AARS1: variants seen among roughly 807,000 people sequenced by gnomAD.
AARS1 encodes alanine--tRNA ligase, cytoplasmic.
A neutral mutation model predicts 108.9 loss-of-function variants in AARS1; 72 were observed. The observed-to-expected ratio is 0.66, with a 90% CI of 0.55 to 0.80. The LOEUF (loss-of-function observed/expected upper bound fraction) is 0.80. AARS1 is among the 30% of genes least tolerant of loss of function. The pLI is 0.00. For missense variants in AARS1, 1,193 were observed against 1,233.2 expected (o/e 0.97, Z 0.49); for synonymous variants, 489 against 465.7 (o/e 1.05, Z -0.64).
chr16:70,272,375 G>A (rs1034460035), intron 4 of AARS1, among the ~76,000 whole-genome samples: 9 of 150,968 alleles, frequency 6.0e-5, no homozygotes, highest in Non-Finnish European at 1.0e-4. Flanking sequence ...GTGTGGTGGC[G>A]CATGCCTGTA....
chr16:70,258,355 A>G (rs1023886325), intron 14 of AARS1, 138 bp from the exon 15 acceptor site: 39 of 846,732 alleles, frequency 4.6e-5, no homozygotes, highest in Non-Finnish European at 1.2e-5. Flanking sequence ...AGCTTCCTCA[A>G]TCACACGCCA....
chr16:70,262,966 T>C (rs1266249395), intron 11 of AARS1, among the ~76,000 whole-genome samples: 8 of 4,702 alleles, frequency 1.7e-3, no homozygotes, highest in Non-Finnish European at 2.5e-3. Flanking sequence ...AGACTCGGTC[T>C]CAAAAAAAAA....
chr16:70,253,611 G>T, intron 19 of AARS1, 103 bp downstream of exon 19: 4 of 1,342,678 alleles, frequency 3.0e-6, no homozygotes, highest in Admixed American at 1.7e-5. Context: ...ATCCCAGACC[G>T]TGGGCCCTTA....
Position 70,268,364 on chromosome 16 carries a change from C to A in AARS1, c.978G>T (p.Arg326=). The A allele has an allele frequency of 6.2e-7, 1 of 1,614,140 alleles. No homozygotes were observed. Among genetic ancestry groups the A allele is most frequent in the Non-Finnish European group, 8.5e-7 (1 of 1,179,998 alleles). ...DNTGRGYVLR[R]ILRRAVRYAH... is the part of the protein sequence containing the mutation. ...CGTATCGGACAGCTCGGCGGAGAAT[C>A]CGTCTCAACACATATCTGTAAGAGG... The change falls in exon 8 of 21, where the codon CGG becomes CGT. Residue 326 remains arginine, a synonymous_variant. Coordinates refer to ENST00000261772, the MANE Select transcript of AARS1 (RefSeq NM_001605.3).
intron 4 of AARS1, 116 bp from the exon 5 acceptor site, chr16:70,272,088 T>C (rs1960420148): frequency 1.3e-5 from 12 of 904,430 alleles, no homozygotes; most frequent in Non-Finnish European, 2.2e-5. Context: ...CTCATGTTAC[T>C]GCACTCCAGC....
At chr16:70,262,967 C>CAAAAAAAAAAAAAAAAAAAAAA in intron 11 of AARS1, among the ~76,000 whole-genome samples, 1 of 20,594 alleles carries the variant, frequency 4.9e-5, no homozygotes, top group Non-Finnish European at 9.1e-5. Context: ...GACTCGGTCT[C>CAAAAAAAAAAAAAAAAAAAAAA]AAAAAAAAAA....
At chr16:70,264,838 C>G in intron 11 of AARS1, 120 bp downstream of exon 11, 1 of 1,266,434 alleles carries the variant, frequency 7.9e-7, no homozygotes. Context: ...CGTGACTGTA[C>G]GGCACTCCAG....
At chr16:70,268,518 C>T in intron 7 of AARS1, 139 bp from the exon 8 acceptor site, 2 of 675,376 alleles carry the variant, frequency 3.0e-6, no homozygotes, top group Non-Finnish European at 2.5e-6. Context: ...TCCCCAAGGT[C>T]ATTAATTTTA....
At chr16:70,265,921 G>A (rs1053722001) in intron 9 of AARS1, among the ~76,000 whole-genome samples, 1 of 152,216 alleles carries the variant, frequency 6.6e-6, no homozygotes, top group Non-Finnish European at 1.5e-5. Context: ...GCTCGCGCCT[G>A]TAATCCCAGC....
At chr16:70,262,321 T>A in intron 12 of AARS1, 25 bp downstream of exon 12, 1 of 1,614,092 alleles carries the variant, frequency 6.2e-7, no homozygotes, top group South Asian at 1.1e-5. Flanking sequence ...CCTCCTCGGC[T>A]AACAAGGAAG....
chr16:70,280,257 C>T (rs1402674594), intron 2 of AARS1, among the ~76,000 whole-genome samples: 1 of 151,984 alleles, frequency 6.6e-6, no homozygotes, highest in Non-Finnish European at 1.5e-5. Flanking sequence ...CACTCTGTTG[C>T]CCAGGCTGGA....
intron 10 of AARS1, 122 bp from the exon 11 acceptor site, chr16:70,265,224 A>T (rs537375743): frequency 1.0e-5 from 13 of 1,275,438 alleles, no homozygotes; most frequent in Non-Finnish European, 1.5e-5. Flanking sequence ...CAATCCTGGC[A>T]CTACTGACAT....
intron 5 of AARS1, among the ~76,000 whole-genome samples, chr16:70,270,844 A>AAAAAAAAAAAAG: frequency 1.5e-5 from 2 of 130,204 alleles, no homozygotes; most frequent in African/African-American, 6.6e-5. Flanking sequence ...TCTCAAAAAA[A>AAAAAAAAAAAAG]AAAAAAAAAA....
intron 4 of AARS1, among the ~76,000 whole-genome samples, chr16:70,275,017 T>G (rs1284591529): frequency 1.3e-5 from 2 of 152,064 alleles, no homozygotes; most frequent in Admixed American, 6.6e-5. Context: ...CCTAGCACTT[T>G]GGGAGGCCAA....
At chr16:70,254,597 C>A in intron 17 of AARS1, 24 bp downstream of exon 17, 2 of 1,508,412 alleles carry the variant, frequency 1.3e-6, no homozygotes, top group Non-Finnish European at 1.8e-6. Flanking sequence ...GCCCTGAGGA[C>A]GGAGGGAGGG....
chr16:70,272,618 A>C (rs912860465), intron 4 of AARS1, among the ~76,000 whole-genome samples: 1 of 151,818 alleles, frequency 6.6e-6, no homozygotes, highest in Non-Finnish European at 1.5e-5. Context: ...GATATGCTCG[A>C]AACTCAATGA....
At chr16:70,276,917 A>G (rs1171717554) in intron 3 of AARS1, 49 bp downstream of exon 3, 3 of 1,602,712 alleles carry the variant, frequency 1.9e-6, no homozygotes, top group Admixed American at 3.3e-5. Flanking sequence ...CCAGTGTGGA[A>G]AAGACCATTT....
chr16:70,261,381 AG>A lies in AARS1; in HGVS notation c.1672-225del, dbSNP rs1207161245. On this transcript the variant is annotated intron_variant, in intron 12 of 20. Coordinates refer to ENST00000261772, the MANE Select transcript of AARS1 (RefSeq NM_001605.3). ...GAGGCTCAGGTGAGTAGATCACCTG[AG>A]GCCAGGAGTTCGAGACCAGCTTGGC... 1.0e-5 allele frequency: 4 copies of A among 393,932 alleles called. No individual in the cohort carries two copies. In the East Asian group the frequency reaches 2.3e-4, roughly 22 times the overall value. 24.4% of individuals were successfully genotyped at this position (393,932 alleles called of 1,614,324 possible). A position where few individuals can be genotyped will look rare whatever the true frequency, so the allele number is the denominator to read the frequency against.
At chr16:70,283,181 A>G (rs1960746813) in intron 1 of AARS1, among the ~76,000 whole-genome samples, 1 of 152,064 alleles carries the variant, frequency 6.6e-6, no homozygotes, top group Non-Finnish European at 1.5e-5. Context: ...GGCAGATCAC[A>G]AGGTCAGGAG....
Sources: gnomAD v4.1 joint callset for allele counts (sites outside exome capture counted in the v4.1 genomes callset) on GRCh38, gnomAD v4.1.1 for gene constraint, MANE v1.5 for transcripts, NCBI Gene and HGNC (gene_info 2026-07-23, HGNC 2026-07-21) for gene names.